Variants in LSMEM1 observed in about 807,000 individuals in gnomAD.
LSMEM1 encodes the protein leucine rich single-pass membrane protein 1, also known as leucine-rich single-pass membrane protein 1.
In LSMEM1, 10 loss-of-function variants were observed where a neutral mutation model predicts 11.3. That is an observed-to-expected ratio of 0.89 (90% CI 0.55 to 1.50). LSMEM1 has a LOEUF of 1.50. Ranked by LOEUF, LSMEM1 falls within the 40% of genes most tolerant of loss-of-function variation. The probability of loss-of-function intolerance (pLI) is 0.00; values close to 1 mark genes in which losing one functional copy is unlikely to be tolerated. For synonymous variants in LSMEM1, 65 were observed against 59.3 expected, an observed-to-expected ratio of 1.10 and a Z score of -0.44; for missense variants, 151 against 152.9, an observed-to-expected ratio of 0.99 and a Z score of 0.06.
Position 112,486,950 on chromosome 7 carries a change from G to A in LSMEM1, c.155G>A (p.Gly52Asp), listed in dbSNP as rs1392564460. 1 of 1,614,084 alleles carries A rather than the reference G, an allele frequency of 6.2e-7. No individual in the cohort carries two copies. The highest frequency in any genetic ancestry group is 1.1e-5 in the South Asian group (1 of 91,082). The change falls in exon 3 of 4, where the codon GGC becomes GAC. Residue 52 changes from glycine to aspartate, a missense_variant. By Grantham distance (94) the Gly-to-Asp change is moderately conservative (BLOSUM62 -1). Coordinates refer to ENST00000312849, the MANE Select transcript of LSMEM1 (RefSeq NM_182597.3). ...FPLEDKIPVL[G>D]TNSGNGSRSL... ...CTAGAGGACAAAATCCCAGTCCTTGGCACAAACTCAGGAAATGGAAGCCGG... is the reference window on the plus strand; with the variant it reads ...CTAGAGGACAAAATCCCAGTCCTTGACACAAACTCAGGAAATGGAAGCCGG...
chr7:112,487,120 C>A, intron 3 of LSMEM1, 69 bp downstream of exon 3: 1 of 1,561,204 alleles, frequency 6.4e-7, no homozygotes, highest in Non-Finnish European at 8.7e-7. Flanking sequence ...AACTTTGCTC[C>A]CACAAAGTTT....
intron 2 of LSMEM1, 42 bp from the exon 3 acceptor site, chr7:112,486,881 C>G (rs1563279901): frequency 6.2e-7 from 1 of 1,612,294 alleles, no homozygotes; most frequent in South Asian, 1.1e-5. Flanking sequence ...AAGTTGTATG[C>G]TGAGCAGTTT....
chr7:112,486,796 T>C lies in LSMEM1; in HGVS notation c.128-127T>C, dbSNP rs549704167. On this transcript the variant is annotated intron_variant, in intron 2 of 3. Transcript: ENST00000312849. ...GTCTCAAAAAAAAAGAGTCACTTTC[T>C]AGGCTTGTCAGAGAGAAAGTGGGTG... 13 of 1,342,256 alleles carry C rather than the reference T, an allele frequency of 9.7e-6. No individual in the cohort carries two copies. In the South Asian group the frequency reaches 1.9e-4, roughly 19 times the overall value. The allele number at this position is 1,342,256 out of a possible 1,614,324, so 83.1% of individuals were successfully genotyped here.
upstream of LSMEM1, among the ~76,000 whole-genome samples, chr7:112,480,463 G>T (rs1796006721): frequency 6.6e-6 from 1 of 152,210 alleles, no homozygotes; most frequent in Non-Finnish European, 1.5e-5. Context: ...TGGAAGTGAG[G>T]ATGATAAAGG....
At chr7:112,487,557 A>G (rs1431667809) in intron 3 of LSMEM1, among the ~76,000 whole-genome samples, 1 of 152,206 alleles carries the variant, frequency 6.6e-6, no homozygotes, top group Non-Finnish European at 1.5e-5. Flanking sequence ...CTTCTTTCCA[A>G]TTTGATCCTG....
At chr7:112,486,701 G>GGA in intron 2 of LSMEM1, 1 of 431,326 alleles carries the variant, frequency 2.3e-6, no homozygotes, top group Non-Finnish European at 4.1e-6. Context: ...GCGTGAACCC[G>GGA]GGAGGCAGAG....
chr7:112,482,759 C>T (rs1796054456), intron 1 of LSMEM1, among the ~76,000 whole-genome samples: 1 of 152,048 alleles, frequency 6.6e-6, no homozygotes, highest in South Asian at 2.1e-4. Context: ...CTATTTGCTG[C>T]TGCTTTTTAA....
chr7:112,480,970 C>CT (rs1271953357), upstream of LSMEM1: 1 of 449,464 alleles, frequency 2.2e-6, no homozygotes, highest in Non-Finnish European at 4.5e-6. Flanking sequence ...GTTGCTTCAG[C>CT]CAGATAAGGA....
upstream of LSMEM1, chr7:112,480,893 G>A (rs1796019047): frequency 2.2e-6 from 1 of 456,150 alleles, no homozygotes; most frequent in Non-Finnish European, 4.4e-6. Flanking sequence ...GCTTCCGCCT[G>A]CTACAGGATA....
chr7:112,483,738 C>T (rs1232073320), intron 1 of LSMEM1: 2 of 152,196 alleles, frequency 1.3e-5, no homozygotes, highest in Non-Finnish European at 2.9e-5. Context: ...GATTCCAGCT[C>T]TGCTGCCAGG....
In LSMEM1 at chr7:112,484,846, T is replaced by C; in HGVS notation, c.30T>C (p.Ser10=). The C allele has an allele frequency of 6.2e-7, 1 of 1,613,868 alleles. No homozygotes were observed. Among genetic ancestry groups the C allele is most frequent in the African/African-American group, 1.3e-5 (1 of 75,030 alleles). Residue 10 remains serine, a synonymous_variant, in exon 2 of 4, where the codon TCT becomes TCC. Transcript: ENST00000312849. MTHSSQDTG[S]CGIQEDGKLY... ...CTCATTCTTCCCAGGACACTGGTTCTTGTGGCATTCAGGAAGATGGAAAGC... is the reference window on the plus strand; with the variant it reads ...CTCATTCTTCCCAGGACACTGGTTCCTGTGGCATTCAGGAAGATGGAAAGC...
intron 2 of LSMEM1, 91 bp from the exon 3 acceptor site, chr7:112,486,832 T>C: frequency 1.3e-6 from 2 of 1,543,222 alleles, no homozygotes; most frequent in Admixed American, 3.8e-5. Context: ...TGTCCATTAC[T>C]CACGGTCTAA....
At chr7:112,482,868 T>G (rs1796056278) in intron 1 of LSMEM1, among the ~76,000 whole-genome samples, 1 of 152,062 alleles carries the variant, frequency 6.6e-6, no homozygotes, top group African/African-American at 2.4e-5. Flanking sequence ...TAGTATCTTA[T>G]CTGAAAACTC....
chr7:112,483,886 G>A, intron 1 of LSMEM1, among the ~76,000 whole-genome samples: 1 of 152,082 alleles, frequency 6.6e-6, no homozygotes, highest in East Asian at 1.9e-4. Flanking sequence ...AACCATGAAA[G>A]GAAAAGCTTT....
chr7:112,484,960 A>T lies in LSMEM1; in HGVS notation c.127+17A>T. 6.3e-7 allele frequency: 1 copy of T among 1,592,928 alleles called. No homozygotes were observed. The highest frequency in any genetic ancestry group is 8.6e-7 in the Non-Finnish European group (1 of 1,167,430). The stretch of plus-strand genomic sequence containing the variant: ...ATCTGTTCCGTATGTGTGCTGGGGA[A>T]GGCACAGCAGCCCTTCCTAGCTTCT... On this transcript the variant is annotated intron_variant, in intron 2 of 3. Transcript: ENST00000312849.
intron 3 of LSMEM1, among the ~76,000 whole-genome samples, chr7:112,488,339 C>G (rs1796176643): frequency 6.6e-6 from 1 of 152,204 alleles, no homozygotes; most frequent in African/African-American, 2.4e-5. Context: ...TAAATTAATA[C>G]TGGGCATGTC....
At chr7:112,489,277 C>T (rs900553669) in intron 3 of LSMEM1, among the ~76,000 whole-genome samples, 2 of 152,246 alleles carry the variant, frequency 1.3e-5, no homozygotes, top group Admixed American at 1.3e-4. Context: ...TGTTCCATTC[C>T]GTATCTTATT....
chr7:112,487,140 A>G (rs1012343607), intron 3 of LSMEM1, 89 bp downstream of exon 3: 4 of 1,416,150 alleles, frequency 2.8e-6, no homozygotes, highest in Non-Finnish European at 2.9e-6. Context: ...TGCACCCTCC[A>G]GTCAATGCTT....
chr7:112,480,955 T>C (rs1010547071), upstream of LSMEM1: 26 of 453,922 alleles, frequency 5.7e-5, no homozygotes, highest in African/African-American at 4.8e-4. Flanking sequence ...TGGTGTCAGC[T>C]AACAGTTGCT....
Sources: allele counts gnomAD v4.1 joint callset (sites outside exome capture counted in the v4.1 genomes callset), GRCh38; gene constraint gnomAD v4.1.1; transcripts MANE v1.5; gene names NCBI Gene and HGNC (gene_info 2026-07-23, HGNC 2026-07-21).